The following ETS1 variants were observed in gnomAD, a reference collection of about 807,000 sequenced individuals.
ETS1 encodes ETS proto-oncogene 1, transcription factor.
Under a neutral mutation model 58.6 loss-of-function variants are expected in ETS1, and 15 were observed. The ratio of observed to expected loss-of-function variants is 0.26; its 90% CI spans 0.17 to 0.39. The LOEUF is 0.39. Among genes scored for constraint, ETS1 ranks in the 10% least tolerant of loss-of-function variants. ETS1 has a pLI of 1.00. For synonymous variants in ETS1, 214 were observed against 218.2 expected (o/e 0.98, Z 0.17); for missense variants, 417 against 610.5 (o/e 0.68, Z 3.34).
chr11:128,477,870 CATTT>C (rs1399169569), intron 8 of ETS1, among the ~76,000 whole-genome samples: 3 of 152,056 alleles, frequency 2.0e-5, no homozygotes, highest in Non-Finnish European at 4.4e-5. Context: ...GTCTAGCATT[CATTT>C]ATTTAATTAG....
At chr11:128,475,293 T>C (rs982825575) in intron 8 of ETS1, among the ~76,000 whole-genome samples, 2 of 152,268 alleles carry the variant, frequency 1.3e-5, no homozygotes, top group Admixed American at 1.3e-4. Flanking sequence ...AAATCTCAGG[T>C]TTCATTCTGA....
rs1052573620 is a variant in ETS1, at chr11:128,463,725, C to T, written c.1124-98G>A. On this transcript the variant is annotated intron_variant, in intron 8 of 9. Transcript: ENST00000392668. This position sits in a 1 kb window ranked among gnomAD's most constrained non-coding sequence, Gnocchi z 4.1. ...CACTCCCACATCCCTCTTCTCTCAGCCCATCCAGCCAGGAGAAAATGAAGG... is the reference window on the plus strand; with the variant it reads ...CACTCCCACATCCCTCTTCTCTCAGTCCATCCAGCCAGGAGAAAATGAAGG... The T allele has an allele frequency of 2.1e-5, 15 of 724,228 alleles. No homozygotes were observed. The highest frequency in any genetic ancestry group is 3.5e-5 in the Non-Finnish European group (14 of 396,934). 44.9% of individuals were successfully genotyped at this position (724,228 alleles called of 1,614,324 possible). A position where few individuals can be genotyped will look rare whatever the true frequency, so the allele number is the denominator to read the frequency against.
chr11:128,553,364 C>T (rs1036528325), intron 3 of ETS1, among the ~76,000 whole-genome samples: 3 of 152,148 alleles, frequency 2.0e-5, no homozygotes, highest in African/African-American at 7.2e-5. Context: ...TCCTCAGATT[C>T]ATCTATTTTT....
At chr11:128,580,176 TA>T (rs140049360) in intron 1 of ETS1, among the ~76,000 whole-genome samples, 39,286 of 102,152 alleles carry the variant, frequency 0.38, 7,971 homozygotes, top group African/African-American at 0.5. Flanking sequence ...GTTTGGACAT[TA>T]AAAAAAAAAA....
intron 3 of ETS1, among the ~76,000 whole-genome samples, chr11:128,553,809 G>A (rs770738093): frequency 6.6e-6 from 1 of 152,088 alleles, no homozygotes; most frequent in Non-Finnish European, 1.5e-5. Context: ...ACTGACAGAT[G>A]TGTAGTCCTT....
At chr11:128,539,007 C>T (rs1010446486) in intron 3 of ETS1, among the ~76,000 whole-genome samples, 5 of 152,068 alleles carry the variant, frequency 3.3e-5, no homozygotes, top group South Asian at 2.1e-4. Flanking sequence ...GATACACATA[C>T]GAAAAAGAAA....
intron 3 of ETS1, among the ~76,000 whole-genome samples, chr11:128,496,580 T>G (rs144973296): frequency 6.6e-6 from 1 of 152,200 alleles, no homozygotes; most frequent in Admixed American, 6.5e-5. Flanking sequence ...GCTCTGCTTC[T>G]GAAGTTGATG....
At chr11:128,562,550 C>G (rs189982939) in intron 2 of ETS1, among the ~76,000 whole-genome samples, 2 of 152,206 alleles carry the variant, frequency 1.3e-5, no homozygotes, top group African/African-American at 2.4e-5. Flanking sequence ...CATGGCTCTC[C>G]CTGTCCTCTT....
At chr11:128,558,285 T>C (rs1565409324) in intron 2 of ETS1, among the ~76,000 whole-genome samples, 1 of 152,198 alleles carries the variant, frequency 6.6e-6, no homozygotes, top group Non-Finnish European at 1.5e-5. Flanking sequence ...ATTTGCCACC[T>C]ATATGTGTGT....
rs1198098741 is a variant in ETS1, at chr11:128,460,726, TTA to T, written c.*1633_*1634del. The T allele has an allele frequency of 6.6e-6, 1 of 152,332 alleles. No individual in the cohort carries two copies. The highest frequency in any genetic ancestry group is 1.5e-5 in the Non-Finnish European group (1 of 68,030). The allele number at this position is 152,332 out of a possible 1,614,324, so 9.4% of individuals were successfully genotyped here. A position where few individuals can be genotyped will look rare whatever the true frequency, so the allele number is the denominator to read the frequency against. ...CTACCTTGCTTGACTATGTTTGTATTTAAACCTTGGGGGAACTAAAAATCTAT... is the reference window on the plus strand; with the variant it reads ...CTACCTTGCTTGACTATGTTTGTATTAACCTTGGGGGAACTAAAAATCTAT... On this transcript the variant is annotated 3_prime_UTR_variant, in exon 10 of 10. Coordinates refer to ENST00000392668, the MANE Select transcript of ETS1 (RefSeq NM_001143820.2).
At position 128,460,442 on chromosome 11, in the gene ETS1, T is replaced by A. The variant is rs1237399647; in HGVS notation, c.*1919A>T. The A allele has an allele frequency of 1.3e-5, 2 of 152,738 alleles. No individual in the cohort carries two copies. Among genetic ancestry groups the A allele is most frequent in the African/African-American group, 2.4e-5 (1 of 41,468 alleles). 9.5% of individuals were successfully genotyped at this position (152,738 alleles called of 1,614,324 possible). On this transcript the variant is annotated 3_prime_UTR_variant, in exon 10 of 10. Coordinates refer to ENST00000392668, the MANE Select transcript of ETS1 (RefSeq NM_001143820.2). ...ATAACAATCAATTTTCTTAAAGATA[T>A]GCTAGAAAGTAGTTAGTACTTCCAA...
chr11:128,541,917 A>T (rs757522912), intron 3 of ETS1, among the ~76,000 whole-genome samples: 2 of 152,236 alleles, frequency 1.3e-5, no homozygotes, highest in Non-Finnish European at 2.9e-5. Flanking sequence ...GGTATTGATT[A>T]TAATAAGGGC....
rs907960909 is a variant in ETS1 at position 128,463,435 on chromosome 11, G to A, written c.1242+74C>T. On this transcript the variant is annotated intron_variant, in intron 9 of 9. Transcript: ENST00000392668. This position sits in a 1 kb window ranked among gnomAD's most constrained non-coding sequence, Gnocchi z 4.1. ...CCCAATCCTGGAACACGTCATTCAG[G>A]CCCACGCCACCCCTTCCAGGAGTTT... 3 of 874,476 alleles carry A rather than the reference G, an allele frequency of 3.4e-6. No individual in the cohort carries two copies. The African/African-American group carries it at 4.9e-5, about 14-fold the overall frequency. 54.2% of individuals were successfully genotyped at this position (874,476 alleles called of 1,614,324 possible). A position where few individuals can be genotyped will look rare whatever the true frequency, so the allele number is the denominator to read the frequency against.
intron 3 of ETS1, chr11:128,522,227 G>A (rs976753569): frequency 6.6e-6 from 8 of 1,210,936 alleles, no homozygotes; most frequent in African/African-American, 1.6e-5. Context: ...TCCCAGCCTC[G>A]CCCGCGCCGC....
chr11:128,508,698 C>T (rs1342627376), intron 3 of ETS1, among the ~76,000 whole-genome samples: 2 of 152,156 alleles, frequency 1.3e-5, no homozygotes, highest in Non-Finnish European at 1.5e-5. Flanking sequence ...ATCCACCTGA[C>T]AAATATAAGA....
chr11:128,561,158 A>G (rs1045459536), intron 2 of ETS1, among the ~76,000 whole-genome samples: 1 of 152,172 alleles, frequency 6.6e-6, no homozygotes, highest in African/African-American at 2.4e-5. Flanking sequence ...TAAAACTTCA[A>G]GCCGGAGGGC....
intron 3 of ETS1, among the ~76,000 whole-genome samples, chr11:128,525,244 G>A (rs1250219952): frequency 1.3e-5 from 2 of 152,030 alleles, no homozygotes; most frequent in Non-Finnish European, 2.9e-5. Flanking sequence ...ACAGAAGAGT[G>A]GAGCTAGACA....
At chr11:128,542,272 CTA>C (rs1286728478) in intron 3 of ETS1, among the ~76,000 whole-genome samples, 9 of 152,242 alleles carry the variant, frequency 5.9e-5, no homozygotes, top group African/African-American at 1.9e-4. Flanking sequence ...TTGATGAGGT[CTA>C]TGACTATGGA....
intron 8 of ETS1, among the ~76,000 whole-genome samples, chr11:128,479,861 T>G (rs766595437): frequency 2.6e-4 from 39 of 151,962 alleles, no homozygotes; most frequent in Non-Finnish European, 4.3e-4. Context: ...AATCCCCTGA[T>G]GCCAGGCCAC....
Sources: gnomAD v4.1 joint callset for allele counts (sites outside exome capture counted in the v4.1 genomes callset) on GRCh38, gnomAD v4.1.1 for gene constraint, Gnocchi (gnomAD v3.1) non-coding constraint, MANE v1.5 for transcripts, NCBI Gene and HGNC (gene_info 2026-07-23, HGNC 2026-07-21) for gene names.